The following RYR2 variants were observed in gnomAD, a reference collection of about 807,000 sequenced individuals.
RYR2 encodes cardiac muscle ryanodine receptor-calcium release channel.
In RYR2, 227 loss-of-function variants were observed where a neutral mutation model predicts 601.1. The ratio of observed to expected loss-of-function variants is 0.38; its 90% confidence interval spans 0.34 to 0.42. The LOEUF is 0.42. RYR2 is among the 10% of genes least tolerant of loss of function. RYR2 has a pLI of 1.00. For synonymous variants in RYR2, 2,223 were observed against 2,175.1 expected, an observed-to-expected ratio of 1.02 and a Z score of -0.61; for missense variants, 4,646 against 6,156.5, an observed-to-expected ratio of 0.75 and a Z score of 8.21.
chr1:237,690,569 TACAC>T (rs1210094141), intron 63 of RYR2, among the ~76,000 whole-genome samples: 2 of 152,170 alleles, frequency 1.3e-5, no homozygotes, highest in Non-Finnish European at 2.9e-5. Flanking sequence ...CCCTTTAAAA[TACAC>T]ACACAGGGCC....
intron 1 of RYR2, among the ~76,000 whole-genome samples, chr1:237,129,816 A>G (rs1049483209): frequency 3.9e-5 from 6 of 152,078 alleles, no homozygotes; most frequent in African/African-American, 2.4e-5. Flanking sequence ...ACATTATGCT[A>G]AGAGAAATAA....
chr1:237,506,712 C>T lies in RYR2; in HGVS notation c.2616C>T (p.Ile872=), dbSNP rs376641425. ...FTPIPVDTSQ[I]VLPPHLERIR... is the part of the protein sequence containing the mutation. ...TTTTTTCTTTTTGTAAATTTTAGATCGTGTTGCCTCCTCATCTAGAAAGAA... is the reference window on the plus strand; with the variant it reads ...TTTTTTCTTTTTGTAAATTTTAGATTGTGTTGCCTCCTCATCTAGAAAGAA... The change falls in exon 23 of 105, where the codon ATC becomes ATT. Residue 872 remains isoleucine, a splice_region_variant and synonymous_variant. Transcript: ENST00000366574. 5 of 1,605,166 alleles carry T rather than the reference C, an allele frequency of 3.1e-6. No individual in the cohort carries two copies. Among genetic ancestry groups the T allele is most frequent in the African/African-American group, 1.3e-5 (1 of 74,390 alleles).
intron 29 of RYR2, among the ~76,000 whole-genome samples, chr1:237,583,344 C>T (rs1674147288): frequency 6.6e-6 from 1 of 152,050 alleles, no homozygotes; most frequent in Admixed American, 6.6e-5. Flanking sequence ...TTGTCAGAAA[C>T]ATAGTTTGCA....
At chr1:237,525,844 G>A (rs1667526681) in intron 24 of RYR2, among the ~76,000 whole-genome samples, 2 of 151,998 alleles carry the variant, frequency 1.3e-5, no homozygotes, top group Admixed American at 6.6e-5. Flanking sequence ...GCTGGGTATG[G>A]TGGTGAGCAC....
At chr1:237,579,318 G>T (rs560045697) in intron 29 of RYR2, among the ~76,000 whole-genome samples, 1 of 145,224 alleles carries the variant, frequency 6.9e-6, no homozygotes, top group Non-Finnish European at 1.5e-5. Flanking sequence ...CTGCAGTGGC[G>T]TGATCTTGGC....
chr1:237,454,720 C>A (rs1658601335), intron 15 of RYR2, 146 bp downstream of exon 15: 8 of 682,630 alleles, frequency 1.2e-5, no homozygotes, highest in African/African-American at 1.8e-5. Context: ...AGAAACAGGC[C>A]TTAGAGAAAT....
chr1:237,129,651 T>C (rs1671937647), intron 1 of RYR2, among the ~76,000 whole-genome samples: 1 of 150,012 alleles, frequency 6.7e-6, no homozygotes, highest in Non-Finnish European at 1.5e-5. Context: ...CATAATGATA[T>C]ATATAATATA....
At chr1:237,755,035 A>T in intron 80 of RYR2, 1 of 1,280,358 alleles carries the variant, frequency 7.8e-7, no homozygotes, top group Non-Finnish European at 1.0e-6. Context: ...TGACAAAAAA[A>T]ACCCTGATCA....
chr1:237,225,928 G>A (rs1684314918), intron 1 of RYR2, among the ~76,000 whole-genome samples: 1 of 152,086 alleles, frequency 6.6e-6, no homozygotes, highest in South Asian at 2.1e-4. Flanking sequence ...GGTGGCACAT[G>A]CCTATAATCC....
intron 84 of RYR2, among the ~76,000 whole-genome samples, chr1:237,762,103 G>A (rs1693477804): frequency 6.6e-6 from 1 of 151,950 alleles, no homozygotes; most frequent in African/African-American, 2.4e-5. Context: ...TTTATTTTCT[G>A]CTTGACATTT....
At chr1:237,308,773 G>C (rs192281470) in intron 2 of RYR2, among the ~76,000 whole-genome samples, 5 of 152,222 alleles carry the variant, frequency 3.3e-5, no homozygotes, top group African/African-American at 9.6e-5. Context: ...CTTCTACACC[G>C]TGGAAAGGGA....
chr1:237,558,540 C>T (rs1381315956), intron 27 of RYR2, among the ~76,000 whole-genome samples: 1 of 152,160 alleles, frequency 6.6e-6, no homozygotes, highest in Non-Finnish European at 1.5e-5. Context: ...TCAGGATTCT[C>T]TCTCTGTTTT....
Position 237,661,087 on chromosome 1 carries a change from A to T in RYR2, c.8436+140A>T, listed in dbSNP as rs930195776. ...AATTTAGAAGGGAGAGAAAAAAGCT[A>T]TATATATATTTTTTTTAGTTTCAAA... On this transcript the variant is annotated intron_variant, in intron 56 of 104. Transcript: ENST00000366574. 8 of 806,888 alleles carry T rather than the reference A, an allele frequency of 9.9e-6. No homozygotes were observed. In the Admixed American group the frequency reaches 3.0e-4, roughly 30 times the overall value. The allele number at this position is 806,888 out of a possible 1,614,324, so 50.0% of individuals were successfully genotyped here.
At chr1:237,354,665 TC>T (rs1699142661) in intron 3 of RYR2, among the ~76,000 whole-genome samples, 1 of 152,070 alleles carries the variant, frequency 6.6e-6, no homozygotes, top group Non-Finnish European at 1.5e-5. Flanking sequence ...AATGGATTCA[TC>T]ACTCCGATAA....
At chr1:237,205,317 G>T (rs1436465290) in intron 1 of RYR2, among the ~76,000 whole-genome samples, 2 of 152,186 alleles carry the variant, frequency 1.3e-5, no homozygotes, top group East Asian at 3.9e-4. Context: ...CAGAGCTGTA[G>T]AGCCCTTGGG....
chr1:237,625,760 A>C lies in RYR2; in HGVS notation c.6122A>C (p.Lys2041Thr). Residue 2041 changes from lysine to threonine, a missense_variant, in exon 40 of 105, where the codon AAG (lysine) becomes ACG (threonine). Lys to Thr is a moderately conservative substitution (Grantham distance 78, BLOSUM62 -1). Transcript: ENST00000366574. ...GTAGAAAAGGTGACATATCTGAAGAAGAAGCAAGCAGAAAAACCAGTTGAG... is the reference window on the plus strand; with the variant it reads ...GTAGAAAAGGTGACATATCTGAAGACGAAGCAAGCAGAAAAACCAGTTGAG... ...SLVEKVTYLK[K>T]KQAEKPVESD... is the part of the protein sequence containing the mutation. The C allele has an allele frequency of 6.2e-7, 1 of 1,613,846 alleles. No individual in the cohort carries two copies. The highest frequency in any genetic ancestry group is 8.5e-7 in the Non-Finnish European group (1 of 1,179,850).
chr1:237,617,607 A>G lies in RYR2; in HGVS notation c.5916+121A>G, dbSNP rs2148615149. 3.3e-6 allele frequency: 3 copies of G among 904,022 alleles called. No individual in the cohort carries two copies. In the East Asian group the frequency reaches 7.8e-5, roughly 24 times the overall value. The allele number at this position is 904,022 out of a possible 1,614,324, so 56.0% of individuals were successfully genotyped here. A position where few individuals can be genotyped will look rare whatever the true frequency, so the allele number is the denominator to read the frequency against. On this transcript the variant is annotated intron_variant, in intron 38 of 104. Transcript: ENST00000366574. ...TTCCTTGTTCTGTTTAAAGTCTTCA[A>G]GTTGATTTAGTTAGTATTCTTAGTT...
At chr1:237,763,210 A>G (rs1287389536) in intron 84 of RYR2, among the ~76,000 whole-genome samples, 3 of 152,208 alleles carry the variant, frequency 2.0e-5, no homozygotes, top group Non-Finnish European at 2.9e-5. Flanking sequence ...TTTCAGTTAA[A>G]AACCTTTCTG....
chr1:237,795,863 T>A (rs1166619891), intron 96 of RYR2, among the ~76,000 whole-genome samples: 42 of 144,154 alleles, frequency 2.9e-4, no homozygotes, highest in African/African-American at 1.1e-3. Flanking sequence ...TATGTATATA[T>A]ATATATATAT....
Sources: gnomAD v4.1 joint callset for allele counts (sites outside exome capture counted in the v4.1 genomes callset) on GRCh38, gnomAD v4.1.1 for gene constraint, MANE v1.5 for transcripts, NCBI Gene and HGNC (gene_info 2026-07-23, HGNC 2026-07-21) for gene names.